Variants in HDAC9 observed in about 807,000 individuals in gnomAD.
HDAC9 encodes histone deacetylase 9, also known as MEF-2 interacting transcription repressor (MITR) protein.
A neutral mutation model predicts 139.4 loss-of-function variants in HDAC9; 41 were observed. That is an observed-to-expected ratio of 0.29 (90% CI 0.23 to 0.38). The LOEUF is 0.38. Ranked by LOEUF, HDAC9 falls within the 10% of genes least tolerant of loss-of-function variation. The pLI is 1.00. For missense variants in HDAC9, 1,147 were observed against 1,297.0 expected, an observed-to-expected ratio of 0.88 and a Z score of 1.78; for synonymous variants, 517 against 476.2, an observed-to-expected ratio of 1.09 and a Z score of -1.12.
At chr7:18,755,047 T>G (rs995277170) in intron 14 of HDAC9, among the ~76,000 whole-genome samples, 10 of 152,030 alleles carry the variant, frequency 6.6e-5, no homozygotes, top group Non-Finnish European at 1.2e-4. Context: ...AAAAAAAAAT[T>G]TTATGTGTTT....
Position 18,406,479 on chromosome 7 carries a change from C to T in HDAC9, c.-41-89783C>T, listed in dbSNP as rs554493368. On this transcript the variant is annotated intron_variant, in intron 1 of 3. Transcript: ENST00000413509. ...TGCGATCTCAGCTCACTGCAAGCTC[C>T]GCCTCCCGGGTTTACGCCATTTTCC... Among the ~76,000 whole-genome samples, 8 of 152,048 alleles carry T rather than the reference C, an allele frequency of 5.3e-5. 1 individual carries two copies. Among genetic ancestry groups the T allele is most frequent in the East Asian group, 1.9e-4 (1 of 5,164 alleles).
At chr7:18,281,844 A>T (rs938193915) in intron 2 of HDAC9, among the ~76,000 whole-genome samples, 1 of 152,232 alleles carries the variant, frequency 6.6e-6, no homozygotes, top group African/African-American at 2.4e-5. Context: ...ATTGAATATA[A>T]CATAAATAAT....
intron 1 of HDAC9, among the ~76,000 whole-genome samples, chr7:18,421,696 G>A (rs572135834): frequency 7.2e-5 from 11 of 152,098 alleles, no homozygotes; most frequent in Non-Finnish European, 1.6e-4. Flanking sequence ...TCAGTGTCAC[G>A]GATGAGTGAG....
chr7:18,573,477 C>T (rs1190569934), intron 2 of HDAC9, among the ~76,000 whole-genome samples: 8 of 152,194 alleles, frequency 5.3e-5, no homozygotes, highest in Admixed American at 5.2e-4. Context: ...CAGGTGGTGC[C>T]TTCTGCCTGA....
chr7:18,627,739 G>A (rs1303199355), intron 6 of HDAC9, among the ~76,000 whole-genome samples: 1 of 151,996 alleles, frequency 6.6e-6, no homozygotes, highest in Non-Finnish European at 1.5e-5. Flanking sequence ...ATCACTTTGA[G>A]CTTGTGCTCA....
intron 1 of HDAC9, among the ~76,000 whole-genome samples, chr7:18,148,367 C>G (rs951389594): frequency 3.7e-4 from 57 of 152,302 alleles, no homozygotes; most frequent in African/African-American, 1.3e-3. Context: ...TTCAGCAGGA[C>G]TGAAGAACCA....
intron 2 of HDAC9, among the ~76,000 whole-genome samples, chr7:18,533,252 G>T (rs1193160284): frequency 6.6e-6 from 1 of 151,974 alleles, no homozygotes; most frequent in African/African-American, 2.4e-5. Flanking sequence ...ATTTTCTCCG[G>T]GAGTTTCCAG....
intron 1 of HDAC9, among the ~76,000 whole-genome samples, chr7:18,116,113 A>G (rs1014971657): frequency 6.6e-6 from 1 of 152,242 alleles, no homozygotes. Flanking sequence ...TGTTAGATCA[A>G]ATTTGCTAGC....
intron 1 of HDAC9, among the ~76,000 whole-genome samples, chr7:18,365,532 C>T (rs567593455): frequency 6.2e-4 from 95 of 152,096 alleles, no homozygotes; most frequent in African/African-American, 2.2e-3. Flanking sequence ...AGTATTTTGT[C>T]TTCTTTCTCC....
chr7:18,252,716 C>CT (rs5882651), intron 2 of HDAC9, among the ~76,000 whole-genome samples: 109,065 of 150,150 alleles, frequency 0.73, 39,675 homozygotes, highest in South Asian at 0.85. Flanking sequence ...AAATCACATA[C>CT]TTTTTTTTTT....
intron 2 of HDAC9, among the ~76,000 whole-genome samples, chr7:18,278,724 G>A (rs151243424): frequency 6.6e-6 from 1 of 152,080 alleles, no homozygotes; most frequent in Admixed American, 6.5e-5. Context: ...AATTTTCTGT[G>A]CTGAAGTCAA....
At chr7:18,857,815 T>A (rs574465671) in intron 21 of HDAC9, among the ~76,000 whole-genome samples, 2 of 152,060 alleles carry the variant, frequency 1.3e-5, no homozygotes, top group African/African-American at 4.8e-5. Flanking sequence ...CTTGACAAAG[T>A]TGGGTTCAGC....
intron 6 of HDAC9, among the ~76,000 whole-genome samples, chr7:18,623,336 C>G (rs1276614940): frequency 6.6e-6 from 1 of 152,054 alleles, no homozygotes; most frequent in Non-Finnish European, 1.5e-5. Context: ...AGTCAAAGTT[C>G]AGAAAAGGGC....
intron 2 of HDAC9, among the ~76,000 whole-genome samples, chr7:18,584,417 C>T (rs1051906574): frequency 2.6e-5 from 4 of 151,924 alleles, no homozygotes; most frequent in Admixed American, 6.6e-5. Flanking sequence ...CGTGAGCCAC[C>T]GCGCCGGGCC....
At chr7:18,783,988 G>A (rs952290471) in intron 16 of HDAC9, among the ~76,000 whole-genome samples, 1 of 151,970 alleles carries the variant, frequency 6.6e-6, no homozygotes, top group South Asian at 2.1e-4. Context: ...TCCAACCAGA[G>A]AACCTGTCCC....
intron 2 of HDAC9, among the ~76,000 whole-genome samples, chr7:18,202,025 A>G (rs1791169204): frequency 6.6e-6 from 1 of 152,220 alleles, no homozygotes; most frequent in East Asian, 1.9e-4. Context: ...TTTTAAGAAG[A>G]GAAAGTTGGG....
In HDAC9 at chr7:18,482,488, A is replaced by ATTTTTGTCTTGT. The variant is rs138536574; in HGVS notation, c.-41-13763_-41-13762insTTTTTTGTCTTG. Among the ~76,000 whole-genome samples the ATTTTTGTCTTGT allele has an allele frequency of 9.7e-3, 1,236 of 128,014 alleles. 20 individuals carry two copies. The highest frequency in any genetic ancestry group is 0.035 in the African/African-American group (1,175 of 33,524). The allele number at this position is 128,014 out of a possible 152,430, so 84.0% of individuals were successfully genotyped here. A position where few individuals can be genotyped will look rare whatever the true frequency, so the allele number is the denominator to read the frequency against. On this transcript the variant is annotated intron_variant, in intron 1 of 3. Coordinates refer to the HDAC9 transcript ENST00000413509. ...TTCCCCTTATGTGGATATTGTTTGT[A>ATTTTTGTCTTGT]TTTTTGTCTTGATCTCAGTTATCTT...
At chr7:18,918,053 G>A (rs144372146) in intron 22 of HDAC9, among the ~76,000 whole-genome samples, 129 of 152,094 alleles carry the variant, frequency 8.5e-4, no homozygotes, top group Admixed American at 4.9e-3. Flanking sequence ...CGAGGATGAC[G>A]GATAATGGAT....
intron 23 of HDAC9, among the ~76,000 whole-genome samples, chr7:18,946,666 T>A (rs995244284): frequency 7.9e-5 from 12 of 152,038 alleles, no homozygotes; most frequent in Admixed American, 3.3e-4. Context: ...ATATTAAGTA[T>A]ACATGGAAAG....
Sources: allele counts gnomAD v4.1 joint callset (sites outside exome capture counted in the v4.1 genomes callset), GRCh38; gene constraint gnomAD v4.1.1; transcripts MANE v1.5; gene names NCBI Gene and HGNC (gene_info 2026-07-23, HGNC 2026-07-21).